The following POLG2 variants were observed in gnomAD, a reference collection of about 807,000 sequenced individuals.
The protein encoded by POLG2 is DNA polymerase subunit gamma-2.
In POLG2, 50 loss-of-function variants were observed where a neutral mutation model predicts 56.5. That is an observed-to-expected ratio of 0.88 (90% confidence interval 0.71 to 1.12). The LOEUF (loss-of-function observed/expected upper bound fraction) is 1.12, where lower values mean the gene tolerates loss of function less well. Ranked by LOEUF, POLG2 falls within the 50% of genes most tolerant of loss-of-function variation. The pLI is 0.00. For missense variants in POLG2, 584 were observed against 583.3 expected (o/e 1.00, Z -0.01); for synonymous variants, 226 against 222.6 (o/e 1.02, Z -0.14).
rs1555669552 is a variant in POLG2, at chr17:64,496,564, TG to T, written c.404del (p.Pro135GlnfsTer13). On this transcript the variant is annotated frameshift_variant, in exon 1 of 8. Transcript: ENST00000539111. LOFTEE classifies it high-confidence loss of function. ...CACTGTCCCCGGGTAGCAAAGGGCC[TG>T]GTTTGTGGTGGAGGGCGTCCACCGG... ...VFPVDALHHK[P>X]GPLLPGDSAF... is the part of the protein sequence containing the mutation. 2 of 1,613,546 alleles carry T rather than the reference TG, an allele frequency of 1.2e-6. No individual in the cohort carries two copies. The highest frequency in any genetic ancestry group is 1.3e-5 in the African/African-American group (1 of 74,824).
Position 64,491,627 on chromosome 17 carries a change from T to A in POLG2, c.796-658A>T. 3 of 1,515,636 alleles carry A rather than the reference T, an allele frequency of 2.0e-6. No individual in the cohort carries two copies. In the South Asian group the frequency reaches 3.4e-5, roughly 17 times the overall value. 93.9% of individuals were successfully genotyped at this position (1,515,636 alleles called of 1,614,324 possible). A position where few individuals can be genotyped will look rare whatever the true frequency, so the allele number is the denominator to read the frequency against. ...GGGACTTCAGCCCTAGTGGCCTTGA[T>A]GGAGCGTTTCAAAGAGGTTACTACT... On this transcript the variant is annotated intron_variant, in intron 3 of 7. Coordinates refer to ENST00000539111, the MANE Select transcript of POLG2 (RefSeq NM_007215.4).
At chr17:64,483,165 T>C (rs1263467916) in intron 5 of POLG2, among the ~76,000 whole-genome samples, 166 bp from the exon 6 acceptor site, 11 of 152,178 alleles carry the variant, frequency 7.2e-5, no homozygotes, top group Non-Finnish European at 1.5e-4. Context: ...AAAAACACCA[T>C]GTAGTAACAT....
At chr17:64,484,388 T>C (rs1568084103) in intron 5 of POLG2, among the ~76,000 whole-genome samples, 1 of 152,128 alleles carries the variant, frequency 6.6e-6, no homozygotes, top group African/African-American at 2.4e-5. Context: ...TCCAGCATGT[T>C]CTAGAAATAG....
At chr17:64,491,132 AT>A (rs56152158) in intron 3 of POLG2, among the ~76,000 whole-genome samples, 163 bp from the exon 4 acceptor site, 2 of 151,528 alleles carry the variant, frequency 1.3e-5, no homozygotes, top group African/African-American at 2.4e-5. Context: ...TCTAATTTAC[AT>A]TTTTTTTTGA....
chr17:64,487,012 C>A (rs904260011), intron 4 of POLG2: 2 of 151,574 alleles, frequency 1.3e-5, no homozygotes, highest in Non-Finnish European at 2.9e-5. Context: ...TTTTGTAAAT[C>A]ATTGTTCACC....
chr17:64,485,307 G>A (rs2037931902), intron 5 of POLG2: 1 of 188,018 alleles, frequency 5.3e-6, no homozygotes, highest in Non-Finnish European at 1.1e-5. Flanking sequence ...TAGCTCCTCT[G>A]ATCCAGGAAC....
intron 4 of POLG2, among the ~76,000 whole-genome samples, chr17:64,489,138 AG>A (rs1405130782): frequency 6.6e-6 from 1 of 151,658 alleles, no homozygotes; most frequent in Admixed American, 6.6e-5. Flanking sequence ...ACAAAAGGTA[AG>A]GAAGTGCTCG....
intron 4 of POLG2, among the ~76,000 whole-genome samples, chr17:64,489,454 C>T (rs1187457899): frequency 6.6e-6 from 1 of 151,526 alleles, no homozygotes; most frequent in East Asian, 1.9e-4. Flanking sequence ...GATGCTGCAA[C>T]CAGTAAGGCA....
At chr17:64,485,995 C>T (rs1254384497) in intron 4 of POLG2, 127 bp from the exon 5 acceptor site, 1 of 792,880 alleles carries the variant, frequency 1.3e-6, no homozygotes, top group Non-Finnish European at 2.1e-6. Context: ...CAGCTCCCTG[C>T]AACCTCTGCC....
At chr17:64,484,521 C>A (rs1555667101) in intron 5 of POLG2, among the ~76,000 whole-genome samples, 2 of 152,104 alleles carry the variant, frequency 1.3e-5, no homozygotes. Flanking sequence ...AGGAGCAACA[C>A]AACATGCACC....
At position 64,490,799 on chromosome 17, in the gene POLG2, T is replaced by C; in HGVS notation, c.966A>G (p.Leu322=). The C allele has an allele frequency of 6.2e-7, 1 of 1,611,354 alleles. No individual in the cohort carries two copies. The highest frequency in any genetic ancestry group is 8.5e-7 in the Non-Finnish European group (1 of 1,177,498). The change falls in exon 4 of 8, where the codon TTA becomes TTG. Residue 322 remains leucine (L), a synonymous_variant. Transcript: ENST00000539111. ...AGGAGCTCCAGGTAAAACATACATG[T>C]AATTTAGACACATTGCCAGGATACA... is the stretch of plus-strand genomic sequence containing the variant. ...LHMYPGNVSK[L]HGRDGRKNVV... is the part of the protein sequence containing the mutation.
At chr17:64,495,268 A>G (rs1555669291) in intron 1 of POLG2, among the ~76,000 whole-genome samples, 1 of 151,862 alleles carries the variant, frequency 6.6e-6, no homozygotes, top group Admixed American at 6.6e-5. Flanking sequence ...AAACGAAGAA[A>G]GTTAGGAAAT....
intron 6 of POLG2, among the ~76,000 whole-genome samples, 174 bp downstream of exon 6, chr17:64,482,745 C>T (rs1217361666): frequency 2.0e-5 from 3 of 152,170 alleles, no homozygotes; most frequent in Non-Finnish European, 4.4e-5. Context: ...GCTCCAAAAC[C>T]TGAAACCTTG....
At chr17:64,494,880 C>A (rs2038123463) in intron 1 of POLG2, among the ~76,000 whole-genome samples, 1 of 152,170 alleles carries the variant, frequency 6.6e-6, no homozygotes, top group Admixed American at 6.5e-5. Context: ...ATCTTAGAAA[C>A]CAAGATCTGG....
rs782500550 is a variant in POLG2 at position 64,485,848 on chromosome 17, A to AT, written c.989dup (p.Asn330LysfsTer23). The AT allele has an allele frequency of 1.9e-6, 3 of 1,613,950 alleles. No individual in the cohort carries two copies. The African/African-American group carries it at 4.0e-5, about 22-fold the overall frequency. ...TTACAGAGAGAACACAAGGAACCAC[A>AT]TTTTTTCGTCCATCTCGGCCCTTCA... On this transcript the variant is annotated frameshift_variant, in exon 5 of 8. Coordinates refer to ENST00000539111, the MANE Select transcript of POLG2 (RefSeq NM_007215.4). LOFTEE classifies it high-confidence loss of function.
At chr17:64,480,263 C>T (rs781820724) in intron 7 of POLG2, 26 bp downstream of exon 7, 2 of 1,047,656 alleles carry the variant, frequency 1.9e-6, no homozygotes, top group South Asian at 1.4e-5. Flanking sequence ...AATAAATACA[C>T]TCTTTAATGA....
At chr17:64,491,384 T>C (rs2038055502) in intron 3 of POLG2, 3 of 583,734 alleles carry the variant, frequency 5.1e-6, no homozygotes, top group Non-Finnish European at 8.8e-6. Flanking sequence ...CACTTGAGCT[T>C]AGGACTTCGA....
rs375118670 is a variant in POLG2 at position 64,496,924 on chromosome 17, C to G, written c.45G>C (p.Arg15Ser). 1 of 1,611,798 alleles carries G rather than the reference C, an allele frequency of 6.2e-7. No homozygotes were observed. The highest frequency in any genetic ancestry group is 8.5e-7 in the Non-Finnish European group (1 of 1,180,042). ...VAVRACHKVC[R>S]CLLSGFGGRV... ...GACCCCCAAACCCAGACAACAGGCA[C>G]CTGCAGACCTTATGGCAGGCCCTGA... is the stretch of plus-strand genomic sequence containing the variant. Residue 15 changes from arginine (R) to serine (S), a missense_variant, in exon 1 of 8, where the codon AGG (arginine) becomes AGC (serine). Arg to Ser is a moderately radical substitution (Grantham distance 110, BLOSUM62 -1). Coordinates refer to ENST00000539111, the MANE Select transcript of POLG2 (RefSeq NM_007215.4).
At chr17:64,491,796 C>T in intron 3 of POLG2, 1 of 553,992 alleles carries the variant, frequency 1.8e-6, no homozygotes, top group South Asian at 1.6e-5. Flanking sequence ...CTGAAGAAGA[C>T]ATGCTCTGCA....
Sources: allele counts gnomAD v4.1 joint callset (sites outside exome capture counted in the v4.1 genomes callset), GRCh38; gene constraint gnomAD v4.1.1; transcripts MANE v1.5; gene names NCBI Gene and HGNC (gene_info 2026-07-23, HGNC 2026-07-21).